Variants in SLC24A2 observed in about 807,000 individuals in gnomAD.
SLC24A2 encodes solute carrier family 24 member 2, also known as sodium/potassium/calcium exchanger 2.
In SLC24A2, 36 loss-of-function variants were observed where a neutral mutation model predicts 62.0. The ratio of observed to expected loss-of-function variants is 0.58; its 90% CI spans 0.44 to 0.77. The LOEUF (loss-of-function observed/expected upper bound fraction) is 0.77. SLC24A2 is among the 30% of genes least tolerant of loss of function. The probability of loss-of-function intolerance (pLI) is 0.00; values close to 1 mark genes in which losing one functional copy is unlikely to be tolerated. For missense variants in SLC24A2, 846 were observed against 817.9 expected (o/e 1.03, Z -0.42); for synonymous variants, 358 against 294.0 (o/e 1.22, Z -2.23).
the SLC24A2 span, among the ~76,000 whole-genome samples, chr9:20,039,254 C>T: frequency 6.6e-6 from 1 of 152,076 alleles, no homozygotes; most frequent in African/African-American, 2.4e-5. Context: ...AAAGGGACTA[C>T]CTGTGTTCTG....
intron 2 of SLC24A2, among the ~76,000 whole-genome samples, chr9:19,745,802 A>G (rs10156622): frequency 0.26 from 38,813 of 152,082 alleles, 5,011 homozygotes; most frequent in Middle Eastern, 0.32. Context: ...GCAAGTCAAA[A>G]AAGTTTATTA....
At chr9:20,111,984 C>G in the SLC24A2 span, among the ~76,000 whole-genome samples, 2 of 152,168 alleles carry the variant, frequency 1.3e-5, no homozygotes, top group African/African-American at 2.4e-5. Flanking sequence ...AGGAAAACCA[C>G]GCTTCCAGAT....
At chr9:19,816,803 G>A in the SLC24A2 span, among the ~76,000 whole-genome samples, 5 of 151,966 alleles carry the variant, frequency 3.3e-5, no homozygotes, top group Admixed American at 2.0e-4. Context: ...ACACCACCAA[G>A]AGGATGGCAC....
At chr9:19,583,080 G>A (rs373935863) in intron 5 of SLC24A2, among the ~76,000 whole-genome samples, 21 of 152,238 alleles carry the variant, frequency 1.4e-4, no homozygotes, top group African/African-American at 5.1e-4. Flanking sequence ...CCTGCAGTGG[G>A]TCCCTAGGTC....
At chr9:19,527,597 TAAC>T (rs1368027240) in intron 9 of SLC24A2, among the ~76,000 whole-genome samples, 3 of 152,198 alleles carry the variant, frequency 2.0e-5, no homozygotes, top group Non-Finnish European at 4.4e-5. Context: ...TTAAAAATAA[TAAC>T]AATACATCAT....
chr9:19,920,815 T>A, the SLC24A2 span, among the ~76,000 whole-genome samples: 1 of 152,156 alleles, frequency 6.6e-6, no homozygotes, highest in Non-Finnish European at 1.5e-5. Flanking sequence ...CGTGTATCGA[T>A]CGGGAGCCGG....
the SLC24A2 span, among the ~76,000 whole-genome samples, chr9:20,076,785 T>C: frequency 1.3e-5 from 2 of 151,090 alleles, no homozygotes; most frequent in Non-Finnish European, 2.9e-5. Flanking sequence ...TCTTGACTAT[T>C]GTGAATATTG....
chr9:19,810,336 T>C, the SLC24A2 span, among the ~76,000 whole-genome samples: 3 of 152,346 alleles, frequency 2.0e-5, no homozygotes, highest in East Asian at 5.8e-4. Flanking sequence ...GTAAGGTTAA[T>C]ATTTGCAGGT....
intron 2 of SLC24A2, among the ~76,000 whole-genome samples, chr9:19,636,381 T>TTCTTTCTA (rs1818350082): frequency 6.2e-5 from 1 of 16,250 alleles, no homozygotes; most frequent in African/African-American, 2.3e-4. Flanking sequence ...CTTTCTTTCT[T>TTCTTTCTA]TCTTTCTCCC....
At chr9:20,053,323 T>A in the SLC24A2 span, among the ~76,000 whole-genome samples, 1 of 152,138 alleles carries the variant, frequency 6.6e-6, no homozygotes, top group African/African-American at 2.4e-5. Flanking sequence ...TTCCAACACA[T>A]TGGGAAAGTG....
intron 2 of SLC24A2, among the ~76,000 whole-genome samples, chr9:19,639,599 C>T (rs1818442641): frequency 6.6e-6 from 1 of 152,172 alleles, no homozygotes; most frequent in Non-Finnish European, 1.5e-5. Flanking sequence ...TGGGACACGC[C>T]CAGGTGTTTT....
At chr9:19,902,399 C>T in the SLC24A2 span, among the ~76,000 whole-genome samples, 1 of 152,122 alleles carries the variant, frequency 6.6e-6, no homozygotes, top group Non-Finnish European at 1.5e-5. Flanking sequence ...ATGCCTACAC[C>T]TTACAACAGA....
At chr9:19,558,558 A>G (rs1835222617) in intron 7 of SLC24A2, among the ~76,000 whole-genome samples, 2 of 152,176 alleles carry the variant, frequency 1.3e-5, no homozygotes, top group Admixed American at 1.3e-4. Flanking sequence ...TACTTCTAAA[A>G]TGGATATCTG....
the SLC24A2 span, among the ~76,000 whole-genome samples, chr9:20,039,948 A>G: frequency 6.6e-6 from 1 of 152,184 alleles, no homozygotes; most frequent in Non-Finnish European, 1.5e-5. Flanking sequence ...AATATGTGCT[A>G]AGTTGTATGG....
chr9:19,595,578 G>A (rs934344958), intron 5 of SLC24A2, among the ~76,000 whole-genome samples: 58 of 152,144 alleles, frequency 3.8e-4, no homozygotes, highest in African/African-American at 1.3e-3. Flanking sequence ...TCCAAAGCCC[G>A]GTTGTTATCA....
chr9:19,730,335 A>G (rs1821298696), intron 2 of SLC24A2, among the ~76,000 whole-genome samples: 1 of 152,240 alleles, frequency 6.6e-6, no homozygotes, highest in African/African-American at 2.4e-5. Context: ...CAGATAAATT[A>G]CATAGTTATA....
the SLC24A2 span, among the ~76,000 whole-genome samples, chr9:20,071,528 T>G: frequency 6.6e-6 from 1 of 152,210 alleles, no homozygotes; most frequent in Non-Finnish European, 1.5e-5. Flanking sequence ...GTAGGATGAA[T>G]AATGCCCCCC....
the SLC24A2 span, among the ~76,000 whole-genome samples, chr9:19,887,054 G>A: frequency 6.6e-6 from 1 of 152,150 alleles, no homozygotes; most frequent in Non-Finnish European, 1.5e-5. Flanking sequence ...GCCTGTAAGG[G>A]GACAGGGGAA....
At chr9:19,825,687 C>T in the SLC24A2 span, among the ~76,000 whole-genome samples, 1 of 152,140 alleles carries the variant, frequency 6.6e-6, no homozygotes, top group Non-Finnish European at 1.5e-5. Flanking sequence ...TGCAGTCTTA[C>T]GTCCTGCCCC....
Sources: allele counts gnomAD v4.1 joint callset (sites outside exome capture counted in the v4.1 genomes callset), GRCh38; gene constraint gnomAD v4.1.1; transcripts MANE v1.5; gene names NCBI Gene and HGNC (gene_info 2026-07-23, HGNC 2026-07-21).